LRP1B: variants seen among roughly 807,000 people sequenced by gnomAD.
The protein encoded by LRP1B is LDL receptor related protein 1B.
Under a neutral mutation model 556.6 loss-of-function variants are expected in LRP1B, and 217 were observed. The ratio of observed to expected loss-of-function variants is 0.39; its 90% confidence interval spans 0.35 to 0.44. The LOEUF is 0.44. LRP1B is among the 20% of genes least tolerant of loss of function. The probability of loss-of-function intolerance (pLI) is 1.00; values close to 1 mark genes in which losing one functional copy is unlikely to be tolerated. For missense variants in LRP1B, 5,053 were observed against 5,620.8 expected (o/e 0.90, Z 3.23); for synonymous variants, 2,047 against 1,865.8 (o/e 1.10, Z -2.50).
At chr2:141,137,886 T>A (rs1701528758) in intron 7 of LRP1B, among the ~76,000 whole-genome samples, 1 of 151,802 alleles carries the variant, frequency 6.6e-6, no homozygotes. Context: ...TATGGATTTT[T>A]TTTTTTTAAT....
intron 23 of LRP1B, among the ~76,000 whole-genome samples, chr2:140,890,707 A>C (rs571307301): frequency 6.6e-6 from 1 of 152,026 alleles, no homozygotes; most frequent in Admixed American, 6.6e-5. Flanking sequence ...GACTTATTAG[A>C]TTATTATTTC....
At chr2:142,028,303 T>G (rs1264344600) in intron 1 of LRP1B, among the ~76,000 whole-genome samples, 1 of 151,996 alleles carries the variant, frequency 6.6e-6, no homozygotes. Flanking sequence ...GTTCCATTAC[T>G]CCCAACAATT....
intron 56 of LRP1B, among the ~76,000 whole-genome samples, chr2:140,494,804 A>T (rs1425149363): frequency 6.6e-6 from 1 of 152,040 alleles, no homozygotes; most frequent in Non-Finnish European, 1.5e-5. Flanking sequence ...AGTGGTTGAA[A>T]AAAACAGCTA....
intron 6 of LRP1B, among the ~76,000 whole-genome samples, chr2:141,214,484 C>T (rs1446185231): frequency 1.3e-5 from 2 of 152,078 alleles, no homozygotes; most frequent in South Asian, 4.1e-4. Context: ...ATCTAAACAC[C>T]TATATATAAA....
chr2:140,969,410 C>A (rs1160125375), intron 18 of LRP1B, among the ~76,000 whole-genome samples: 1 of 152,040 alleles, frequency 6.6e-6, no homozygotes, highest in Non-Finnish European at 1.5e-5. Context: ...TTATTTTGAG[C>A]CTATGTGTGA....
chr2:141,450,898 T>C (rs914592522), intron 3 of LRP1B, among the ~76,000 whole-genome samples: 1 of 152,180 alleles, frequency 6.6e-6, no homozygotes, highest in Non-Finnish European at 1.5e-5. Flanking sequence ...GGTCGAAGTA[T>C]TTTAAGTGTT....
intron 3 of LRP1B, among the ~76,000 whole-genome samples, chr2:141,281,002 A>G (rs752726264): frequency 6.6e-6 from 1 of 151,934 alleles, no homozygotes; most frequent in Non-Finnish European, 1.5e-5. Flanking sequence ...TTTCCATTTT[A>G]TTATTCAATA....
At chr2:140,314,871 T>C (rs1684453500) in intron 83 of LRP1B, 64 bp downstream of exon 83, 1 of 1,231,668 alleles carries the variant, frequency 8.1e-7, no homozygotes, top group Non-Finnish European at 1.1e-6. Flanking sequence ...ACATTAAGCA[T>C]TTTCGATTCA....
At chr2:140,782,277 T>C (rs61187909) in intron 32 of LRP1B, among the ~76,000 whole-genome samples, 9,933 of 152,226 alleles carry the variant, frequency 0.065, 885 homozygotes, top group African/African-American at 0.2. Context: ...TAAGTCCCAG[T>C]ACTTCAGACT....
intron 3 of LRP1B, among the ~76,000 whole-genome samples, chr2:141,260,724 T>C (rs1684651946): frequency 6.6e-6 from 1 of 152,230 alleles, no homozygotes; most frequent in Non-Finnish European, 1.5e-5. Context: ...AGTGAGAACA[T>C]GGCTGAGCTA....
Position 141,188,554 on chromosome 2 carries a change from T to G in LRP1B, c.880A>C (p.Thr294Pro). 6.2e-7 allele frequency: 1 copy of G among 1,612,324 alleles called. No individual in the cohort carries two copies. Residue 294 changes from threonine (T) to proline (P), a missense_variant, in exon 7 of 91, where the codon ACT (threonine) becomes CCT (proline). Coordinates refer to ENST00000389484, the MANE Select transcript of LRP1B (RefSeq NM_018557.3). ...NVQQMAIDWL[T>P]RNLYFVDHVG... ...TGGTCCACAAAATAGAGATTTCGAG[T>G]GAGCCAGTCAATCGCCATTTGTTGC...
chr2:141,782,883 G>T (rs1695310643), intron 2 of LRP1B, among the ~76,000 whole-genome samples: 1 of 152,000 alleles, frequency 6.6e-6, no homozygotes, highest in Non-Finnish European at 1.5e-5. Context: ...TTTCTGAGAA[G>T]AGCTGGGGAT....
At chr2:140,318,927 C>G (rs1413284564) in intron 82 of LRP1B, among the ~76,000 whole-genome samples, 1 of 151,840 alleles carries the variant, frequency 6.6e-6, no homozygotes, top group African/African-American at 2.4e-5. Flanking sequence ...AGTATTATTA[C>G]TAATGTCAGT....
At chr2:140,743,979 AAAAAAAAAAAAAGT>A (rs1182907701) in intron 35 of LRP1B, among the ~76,000 whole-genome samples, 9 of 42,018 alleles carry the variant, frequency 2.1e-4, no homozygotes, top group East Asian at 1.2e-3. Flanking sequence ...AAAAAAAAAA[AAAAAAAAAAAAAGT>A]AAAAAGTAAA....
intron 3 of LRP1B, among the ~76,000 whole-genome samples, chr2:141,463,588 ATAATATAT>A (rs1446595758): frequency 2.1e-5 from 2 of 95,058 alleles, no homozygotes; most frequent in Admixed American, 2.5e-4. Flanking sequence ...ATAATTATAT[ATAATATAT>A]ATTATATATT....
At chr2:140,299,601 A>G (rs1683736989) in intron 83 of LRP1B, among the ~76,000 whole-genome samples, 1 of 152,132 alleles carries the variant, frequency 6.6e-6, no homozygotes, top group Non-Finnish European at 1.5e-5. Flanking sequence ...GTTGTTGTTG[A>G]TATAGAAACA....
At chr2:140,534,961 A>G (rs1318842758) in intron 46 of LRP1B, among the ~76,000 whole-genome samples, 1 of 152,174 alleles carries the variant, frequency 6.6e-6, no homozygotes, top group Non-Finnish European at 1.5e-5. Context: ...GGGAACAAAG[A>G]TTTAACCTCA....
At chr2:140,312,422 A>G (rs1684341161) in intron 83 of LRP1B, among the ~76,000 whole-genome samples, 1 of 151,962 alleles carries the variant, frequency 6.6e-6, no homozygotes, top group South Asian at 2.1e-4. Context: ...TAAATAACAG[A>G]CCTATAGCAG....
intron 15 of LRP1B, among the ~76,000 whole-genome samples, chr2:141,000,373 CAGTA>C: frequency 6.6e-6 from 1 of 152,186 alleles, no homozygotes; most frequent in Middle Eastern, 3.4e-3. Flanking sequence ...GTGTAATAGT[CAGTA>C]AAGTATAAAA....
Sources: allele counts gnomAD v4.1 joint callset (sites outside exome capture counted in the v4.1 genomes callset), GRCh38; gene constraint gnomAD v4.1.1; transcripts MANE v1.5; gene names NCBI Gene and HGNC (gene_info 2026-07-23, HGNC 2026-07-21).